The following CDR2 variants were observed in gnomAD, a reference collection of about 807,000 sequenced individuals.
CDR2 encodes the protein cerebellar degeneration-related protein 2.
CDR2 carries 34 observed loss-of-function variants against 48.4 expected under a neutral mutation model. The observed-to-expected ratio is 0.70, with a 90% CI of 0.53 to 0.94. The LOEUF is 0.94. Among genes scored for constraint, CDR2 ranks in the 40% least tolerant of loss-of-function variants. The probability of loss-of-function intolerance (pLI) is 0.00; values close to 1 mark genes in which losing one functional copy is unlikely to be tolerated. For synonymous variants in CDR2, 240 were observed against 219.7 expected, an observed-to-expected ratio of 1.09 and a Z score of -0.82; for missense variants, 498 against 549.5, an observed-to-expected ratio of 0.91 and a Z score of 0.94.
At chr16:22,361,115 G>A (rs1454601551) in intron 2 of CDR2, among the ~76,000 whole-genome samples, 7 of 152,152 alleles carry the variant, frequency 4.6e-5, no homozygotes, top group Non-Finnish European at 1.0e-4. Context: ...TTGTACAAGT[G>A]ATTCCATTCA....
At chr16:22,353,225 G>A (rs2048953711) in intron 2 of CDR2, among the ~76,000 whole-genome samples, 1 of 152,108 alleles carries the variant, frequency 6.6e-6, no homozygotes, top group Non-Finnish European at 1.5e-5. Context: ...TCCTCTATTA[G>A]GACACAGCTG....
intron 1 of CDR2, among the ~76,000 whole-genome samples, chr16:22,373,323 T>C (rs2049091116): frequency 6.6e-6 from 1 of 152,174 alleles, no homozygotes; most frequent in Non-Finnish European, 1.5e-5. Context: ...TGAAGAAAAG[T>C]GGCAGAGATA....
At chr16:22,353,927 C>T (rs1485283517) in intron 2 of CDR2, among the ~76,000 whole-genome samples, 7 of 152,194 alleles carry the variant, frequency 4.6e-5, no homozygotes, top group Admixed American at 4.6e-4. Flanking sequence ...AAATATTTTT[C>T]CTCCCTGACA....
At chr16:22,352,112 C>T (rs1002955322) in intron 2 of CDR2, among the ~76,000 whole-genome samples, 1 of 152,124 alleles carries the variant, frequency 6.6e-6, no homozygotes, top group Admixed American at 6.6e-5. Flanking sequence ...ATTAGTCCGG[C>T]GTGGTGGCAC....
intron 2 of CDR2, among the ~76,000 whole-genome samples, chr16:22,354,136 C>T (rs545138737): frequency 1.1e-4 from 17 of 152,322 alleles, no homozygotes; most frequent in South Asian, 6.2e-4. Flanking sequence ...TCCCCTCAAA[C>T]GGCTGAGACT....
At chr16:22,350,635 T>A (rs563078340) in intron 2 of CDR2, among the ~76,000 whole-genome samples, 3 of 152,312 alleles carry the variant, frequency 2.0e-5, no homozygotes, top group South Asian at 2.1e-4. Context: ...GAAATTAAAC[T>A]CCCTGTCTTC....
At chr16:22,373,767 C>T (rs1250781092) in intron 1 of CDR2, among the ~76,000 whole-genome samples, 1 of 152,250 alleles carries the variant, frequency 6.6e-6, no homozygotes, top group Non-Finnish European at 1.5e-5. Context: ...CGGTGCGGAG[C>T]GCACAGCTCC....
At chr16:22,370,361 C>T (rs745543528) in intron 1 of CDR2, among the ~76,000 whole-genome samples, 3 of 152,148 alleles carry the variant, frequency 2.0e-5, no homozygotes, top group Admixed American at 6.5e-5. Flanking sequence ...AATAGTTGTA[C>T]ACAAGGAGGA....
rs142998947 is a variant in CDR2, at chr16:22,346,589, G to A, written c.*376C>T. 6.2e-3 allele frequency: 1,154 copies of A among 187,636 alleles called. 31 individuals are homozygous for A. The highest frequency in any genetic ancestry group is 0.048 in the Admixed American group (907 of 18,786). The allele number at this position is 187,636 out of a possible 1,614,324, so 11.6% of individuals were successfully genotyped here. On this transcript the variant is annotated 3_prime_UTR_variant, in exon 5 of 5. Coordinates refer to ENST00000268383, the MANE Select transcript of CDR2 (RefSeq NM_001802.2). ...GACTTTCATCGTTTTGAGAAGTTGC[G>A]CAAGGAAGCAATAGGAATTGCCTTA...
intron 2 of CDR2, among the ~76,000 whole-genome samples, chr16:22,359,598 A>G (rs2048998326): frequency 6.6e-6 from 1 of 152,208 alleles, no homozygotes; most frequent in African/African-American, 2.4e-5. Flanking sequence ...CTCCTACACC[A>G]AAGCAGTGTA....
intron 2 of CDR2, among the ~76,000 whole-genome samples, chr16:22,359,039 T>C (rs1163976446): frequency 6.6e-6 from 1 of 152,238 alleles, no homozygotes; most frequent in Non-Finnish European, 1.5e-5. Flanking sequence ...TTACACATTG[T>C]ATGCTTGTAT....
chr16:22,353,627 C>T lies in CDR2; in HGVS notation c.193-3778G>A, dbSNP rs147813712. ...ACAGCACCAGAGGAATCCACACTAA[C>T]AAGCTTTGCTAACGGGCCTTTATCA... On this transcript the variant is annotated intron_variant, in intron 2 of 4. Transcript: ENST00000268383. 2.3e-3 allele frequency among the ~76,000 whole-genome samples: 356 copies of T among 152,274 alleles called. 4 individuals carry two copies. Among genetic ancestry groups the T allele is most frequent in the African/African-American group, 8.4e-3 (348 of 41,566 alleles).
intron 2 of CDR2, among the ~76,000 whole-genome samples, chr16:22,354,990 CAGTTTCAACA>C (rs1044900722): frequency 2.0e-5 from 3 of 152,196 alleles, no homozygotes; most frequent in African/African-American, 7.2e-5. Context: ...ACCCATCAAC[CAGTTTCAACA>C]ATTATCAACA....
At chr16:22,362,242 A>G (rs1705452504) in intron 2 of CDR2, among the ~76,000 whole-genome samples, 1 of 152,180 alleles carries the variant, frequency 6.6e-6, no homozygotes, top group Admixed American at 6.5e-5. Context: ...GAACTGGATT[A>G]TTTCATTTCC....
chr16:22,348,652 T>G (rs781382527), intron 4 of CDR2, among the ~76,000 whole-genome samples: 1 of 152,224 alleles, frequency 6.6e-6, no homozygotes, highest in Non-Finnish European at 1.5e-5. Flanking sequence ...GTGTTGGTAT[T>G]TGCATTTTGA....
At chr16:22,355,455 G>A (rs1051213298) in intron 2 of CDR2, among the ~76,000 whole-genome samples, 1 of 152,208 alleles carries the variant, frequency 6.6e-6, no homozygotes, top group African/African-American at 2.4e-5. Context: ...AATTTAAAGG[G>A]TCTGAACAGC....
At chr16:22,359,967 T>C (rs927470519) in intron 2 of CDR2, among the ~76,000 whole-genome samples, 25 of 152,214 alleles carry the variant, frequency 1.6e-4, no homozygotes, top group African/African-American at 5.3e-4. Context: ...CAGTAGAATA[T>C]TGATACATGC....
At chr16:22,361,819 G>C (rs962442694) in intron 2 of CDR2, among the ~76,000 whole-genome samples, 5 of 151,468 alleles carry the variant, frequency 3.3e-5, no homozygotes, top group African/African-American at 1.2e-4. Flanking sequence ...CATATTACAG[G>C]AACAAGAGAC....
At chr16:22,348,934 C>T (rs1251513225) in intron 4 of CDR2, among the ~76,000 whole-genome samples, 1 of 152,094 alleles carries the variant, frequency 6.6e-6, no homozygotes, top group East Asian at 1.9e-4. Context: ...CTTCTTTAAG[C>T]AAAAAATCTC....
Sources: gnomAD v4.1 joint callset for allele counts (sites outside exome capture counted in the v4.1 genomes callset) on GRCh38, gnomAD v4.1.1 for gene constraint, MANE v1.5 for transcripts, NCBI Gene and HGNC (gene_info 2026-07-23, HGNC 2026-07-21) for gene names.